The following SLC7A7 variants were observed in gnomAD, a reference collection of about 807,000 sequenced individuals.
The protein encoded by SLC7A7 is Y+L amino acid transporter 1.
Under a neutral mutation model 47.9 loss-of-function variants are expected in SLC7A7, and 39 were observed. The ratio of observed to expected loss-of-function variants is 0.81; its 90% CI spans 0.63 to 1.06. SLC7A7 has a LOEUF of 1.06. Ranked by LOEUF, SLC7A7 falls within the 50% of genes least tolerant of loss-of-function variation. The probability of loss-of-function intolerance (pLI) is 0.00; values close to 1 mark genes in which losing one functional copy is unlikely to be tolerated. For synonymous variants in SLC7A7, 234 were observed against 242.8 expected, an observed-to-expected ratio of 0.96 and a Z score of 0.34; for missense variants, 588 against 632.0, an observed-to-expected ratio of 0.93 and a Z score of 0.75.
chr14:22,804,014 T>C (rs2039159426), intron 2 of SLC7A7, among the ~76,000 whole-genome samples: 1 of 152,088 alleles, frequency 6.6e-6, no homozygotes, highest in South Asian at 2.1e-4. Flanking sequence ...GATTACTAGA[T>C]TGGTTTCCCA....
intron 2 of SLC7A7, among the ~76,000 whole-genome samples, chr14:22,787,869 C>G (rs965477408): frequency 6.6e-6 from 1 of 151,890 alleles, no homozygotes. Context: ...GTCAGGAGAT[C>G]GAGACCATCC....
Position 22,774,474 on chromosome 14 carries a change from C to T in SLC7A7, c.1125G>A (p.Val375=). 1.2e-6 allele frequency: 2 copies of T among 1,614,122 alleles called. No individual in the cohort carries two copies. The highest frequency in any genetic ancestry group is 1.1e-5 in the South Asian group (1 of 91,080). ...NGIMALIYLC[V]EDIFQLINYY... is the part of the protein sequence containing the mutation. ...AGTTAATGAGCTGGAAGATGTCTTCCACGCACAAGTAGATCAATGCCATGA... is the reference window on the plus strand; with the variant it reads ...AGTTAATGAGCTGGAAGATGTCTTCTACGCACAAGTAGATCAATGCCATGA... The change falls in exon 8 of 10, where the codon GTG becomes GTA. Residue 375 remains valine (V), a synonymous_variant. Transcript: ENST00000674313.
intron 2 of SLC7A7, among the ~76,000 whole-genome samples, chr14:22,787,883 C>G (rs913994552): frequency 6.6e-6 from 1 of 151,970 alleles, no homozygotes; most frequent in African/African-American, 2.4e-5. Context: ...ACCATCCTGG[C>G]TAACACAATG....
chr14:22,803,191 G>A (rs969284190), intron 2 of SLC7A7, among the ~76,000 whole-genome samples: 5 of 152,254 alleles, frequency 3.3e-5, no homozygotes, highest in Middle Eastern at 3.4e-3. Flanking sequence ...AGACCAAGGC[G>A]GGCAGATCGC....
At chr14:22,783,807 T>G (rs1415852294) in intron 2 of SLC7A7, among the ~76,000 whole-genome samples, 3 of 152,180 alleles carry the variant, frequency 2.0e-5, no homozygotes, top group Non-Finnish European at 4.4e-5. Flanking sequence ...ACCCACCTTC[T>G]AGCCCTGATC....
intron 2 of SLC7A7, among the ~76,000 whole-genome samples, chr14:22,792,231 A>AGGG (rs2038936429): frequency 2.0e-5 from 3 of 152,142 alleles, no homozygotes; most frequent in African/African-American, 7.2e-5. Flanking sequence ...TCTCTCAGAT[A>AGGG]GCAGATGGCC....
At chr14:22,812,204 TTG>T (rs2039321003) in intron 2 of SLC7A7, among the ~76,000 whole-genome samples, 1 of 152,162 alleles carries the variant, frequency 6.6e-6, no homozygotes, top group African/African-American at 2.4e-5. Context: ...TCTCACTCTG[TTG>T]CCCAGGCTGG....
intron 7 of SLC7A7, 89 bp from the exon 8 acceptor site, chr14:22,774,592 C>T: frequency 6.4e-7 from 1 of 1,551,438 alleles, no homozygotes; most frequent in Non-Finnish European, 8.9e-7. Context: ...AATCCATCCC[C>T]TGTCAATCCT....
intron 5 of SLC7A7, 102 bp from the exon 6 acceptor site, chr14:22,776,038 C>G: frequency 1.4e-6 from 2 of 1,420,404 alleles, no homozygotes; most frequent in South Asian, 2.3e-5. Flanking sequence ...TCCAACCTTT[C>G]TTCCACAGTG....
chr14:22,775,835 A>G lies in SLC7A7; in HGVS notation c.996T>C (p.Ser332=). 1.2e-6 allele frequency: 2 copies of G among 1,612,804 alleles called. No homozygotes were observed. The highest frequency in any genetic ancestry group is 1.7e-6 in the Non-Finnish European group (2 of 1,178,762). The part of the protein sequence containing the change: ...GGLNASIVAA[S]RLFFVGSREG... ...CTCACAAAAGTTGCCACTCTTACCT[A>G]GAAGCAGCCACAATGGAGGCATTGA... The change falls in exon 6 of 10, where the codon TCT becomes TCC. Residue 332 remains serine, a splice_region_variant and synonymous_variant. Transcript: ENST00000674313.
intron 2 of SLC7A7, among the ~76,000 whole-genome samples, chr14:22,792,132 G>A (rs917748052): frequency 6.6e-6 from 1 of 151,934 alleles, no homozygotes; most frequent in East Asian, 1.9e-4. Context: ...ACCGCGCCCG[G>A]CCTGGAAACT....
rs563795855 is a variant in SLC7A7 at position 22,782,423 on chromosome 14, T to A, written c.500-2372A>T. Among the ~76,000 whole-genome samples the A allele has an allele frequency of 3.3e-3, 498 of 149,774 alleles. 2 individuals carry two copies. Among genetic ancestry groups the A allele is most frequent in the African/African-American group, 0.012 (479 of 40,792 alleles). ...CGGCCTATATTTTATTATTTTTTTTTATTTACTTATTTATTGACTTATTTA... is the reference window on the plus strand; with the variant it reads ...CGGCCTATATTTTATTATTTTTTTTAATTTACTTATTTATTGACTTATTTA... On this transcript the variant is annotated intron_variant, in intron 2 of 9. Coordinates refer to ENST00000674313, the MANE Select transcript of SLC7A7 (RefSeq NM_003982.4).
intron 2 of SLC7A7, among the ~76,000 whole-genome samples, chr14:22,808,156 C>T (rs1446995899): frequency 1.4e-5 from 2 of 145,156 alleles, no homozygotes; most frequent in Non-Finnish European, 3.0e-5. Flanking sequence ...AAGAGTGAAA[C>T]TTCATCTCAA....
chr14:22,786,834 G>T (rs1018162644), intron 2 of SLC7A7, among the ~76,000 whole-genome samples: 4 of 152,164 alleles, frequency 2.6e-5, no homozygotes, highest in African/African-American at 4.8e-5. Context: ...TACTTGGGAG[G>T]TTGAGGCAGG....
intron 2 of SLC7A7, among the ~76,000 whole-genome samples, chr14:22,792,920 T>A (rs973297479): frequency 7.4e-6 from 1 of 134,530 alleles, no homozygotes; most frequent in African/African-American, 2.7e-5. Context: ...GAAAAATATC[T>A]TTTTTTTTTT....
intron 2 of SLC7A7, among the ~76,000 whole-genome samples, chr14:22,806,257 G>A (rs1420429051): frequency 3.2e-5 from 4 of 124,840 alleles, no homozygotes; most frequent in South Asian, 2.8e-4. Context: ...GTGCAATGGT[G>A]CAATCTCGGC....
At chr14:22,799,091 C>G (rs899604435) in intron 2 of SLC7A7, among the ~76,000 whole-genome samples, 4 of 152,124 alleles carry the variant, frequency 2.6e-5, no homozygotes, top group African/African-American at 9.7e-5. Context: ...TGATTTCACC[C>G]TCACTGCCCT....
upstream of SLC7A7, among the ~76,000 whole-genome samples, chr14:22,817,462 C>T (rs1426430623): frequency 1.3e-5 from 2 of 152,196 alleles, no homozygotes; most frequent in African/African-American, 2.4e-5. Context: ...GCCTCAGCCT[C>T]CCGAGTAGCT....
upstream of SLC7A7, chr14:22,815,939 T>C (rs8019656): frequency 0.55 from 180,460 of 327,490 alleles, 51,677 homozygotes; most frequent in African/African-American, 0.76. Context: ...TGTGACTGGG[T>C]GTTCTAAGAG....
Sources: gnomAD v4.1 joint callset for allele counts (sites outside exome capture counted in the v4.1 genomes callset) on GRCh38, gnomAD v4.1.1 for gene constraint, MANE v1.5 for transcripts, NCBI Gene and HGNC (gene_info 2026-07-23, HGNC 2026-07-21) for gene names.